Variants in MTTP observed in about 807,000 individuals in gnomAD.
MTTP encodes microsomal triglyceride transfer protein large subunit.
Under a neutral mutation model 90.6 loss-of-function variants are expected in MTTP, and 49 were observed. The observed-to-expected ratio is 0.54, with a 90% CI of 0.43 to 0.69. MTTP has a LOEUF of 0.69. Among genes scored for constraint, MTTP ranks in the 30% least tolerant of loss-of-function variants. The pLI, the probability that MTTP is intolerant of heterozygous loss-of-function variation, is 0.00. For synonymous variants in MTTP, 347 were observed against 384.2 expected, an observed-to-expected ratio of 0.90 and a Z score of 1.13; for missense variants, 945 against 1,067.5, an observed-to-expected ratio of 0.89 and a Z score of 1.60.
chr4:99,589,294 A>G (rs145778392), intron 3 of MTTP, among the ~76,000 whole-genome samples: 1 of 151,850 alleles, frequency 6.6e-6, no homozygotes, highest in Non-Finnish European at 1.5e-5. Context: ...TTTCAAGTAC[A>G]GTTACAGGTA....
At chr4:99,595,216 A>C (rs1221918079) in intron 7 of MTTP, among the ~76,000 whole-genome samples, 1 of 152,202 alleles carries the variant, frequency 6.6e-6, no homozygotes, top group Non-Finnish European at 1.5e-5. Context: ...CTGAACCTTG[A>C]AAGTTCTGTC....
In MTTP at chr4:99,600,473, AC is replaced by A. The variant is rs527239359; in HGVS notation, c.1068-91del. Reference sequence around the variant, plus strand: ...AAAAAAAAAATCACTTCTTGAGAAAACTCAAACCAATAGAAACTCTGTGAAT... The same window carrying A: ...AAAAAAAAAATCACTTCTTGAGAAAATCAAACCAATAGAAACTCTGTGAAT... On this transcript the variant is annotated intron_variant, in intron 8 of 17. Transcript: ENST00000265517. 483 of 1,328,100 alleles carry A rather than the reference AC, an allele frequency of 3.6e-4. 2 individuals are homozygous for A. In the African/African-American group the frequency reaches 6.0e-3, roughly 16 times the overall value. The allele number at this position is 1,328,100 out of a possible 1,614,324, so 82.3% of individuals were successfully genotyped here. A position where few individuals can be genotyped will look rare whatever the true frequency, so the allele number is the denominator to read the frequency against.
intron 8 of MTTP, among the ~76,000 whole-genome samples, chr4:99,599,933 C>A (rs1578246289): frequency 6.6e-6 from 1 of 152,148 alleles, no homozygotes; most frequent in Non-Finnish European, 1.5e-5. Context: ...GTTTTACCAT[C>A]CCGGGCTCAA....
exon 1 of MTTP, chr4:99,564,147 T>C: frequency 6.5e-7 from 1 of 1,535,604 alleles, no homozygotes; most frequent in South Asian, 1.2e-5. Context: ...GTTAGTGTTT[T>C]GGGAGTGGGA....
chr4:99,581,832 A>G, intron 1 of MTTP, 73 bp from the exon 2 acceptor site: 1 of 1,466,884 alleles, frequency 6.8e-7, no homozygotes, highest in Middle Eastern at 1.8e-4. Flanking sequence ...ACTGTGGTAG[A>G]GAGATGCACT....
Position 99,581,905 on chromosome 4 carries a change from G to A in MTTP, c.62G>A (p.Gly21Asp). ...FISSYSASVK[G>D]HTTGLSLNND... ...GATATGTGTCATTATCTTTATGCAG[G>A]TCACACAACTGGTCTCTCATTAAAT... The change falls in exon 2 of 18, where the codon GGT becomes GAT. Residue 21 changes from glycine to aspartate, a missense_variant and splice_region_variant. Transcript: ENST00000265517. 2 of 1,613,980 alleles carry A rather than the reference G, an allele frequency of 1.2e-6. No homozygotes were observed. Among genetic ancestry groups the A allele is most frequent in the Non-Finnish European group, 1.7e-6 (2 of 1,179,902 alleles).
upstream of MTTP, among the ~76,000 whole-genome samples, chr4:99,571,344 ATGTC>A (rs1724838180): frequency 1.3e-5 from 2 of 151,836 alleles, no homozygotes; most frequent in Non-Finnish European, 2.9e-5. Flanking sequence ...CTTTTTTTAA[ATGTC>A]TGATAAATTT....
rs1232275726 is a variant in MTTP at position 99,611,313 on chromosome 4, A to G, written c.1868-19A>G. The G allele has an allele frequency of 6.2e-7, 1 of 1,613,968 alleles. No individual in the cohort carries two copies. Among genetic ancestry groups the G allele is most frequent in the Admixed American group, 1.7e-5 (1 of 60,000 alleles). ...ATTGCTGGAACTGCTATTAAATTAC[A>G]GTTATTGTGTGTCATCAGGTAGTCC... On this transcript the variant is annotated intron_variant, in intron 13 of 17. Transcript: ENST00000265517.
rs1488986375 is a variant in MTTP at position 99,621,178 on chromosome 4, T to C, written c.2460T>C (p.Ser820=). The change falls in exon 17 of 18, where the codon TCT becomes TCC. Residue 820 remains serine, a synonymous_variant. Coordinates refer to ENST00000265517, the MANE Select transcript of MTTP (RefSeq NM_001386140.1). Reference sequence around the variant, plus strand: ...AGTTTATCTCCACAGTGCAGTTTTCTCAGTACCCATTCTTAGTTTGCATGC... The same window carrying C: ...AGTTTATCTCCACAGTGCAGTTTTCCCAGTACCCATTCTTAGTTTGCATGC... ...GLEFISTVQF[S]QYPFLVCMQM... is the part of the protein sequence containing the mutation. 3 of 1,614,118 alleles carry C rather than the reference T, an allele frequency of 1.9e-6. No homozygotes were observed. In the Admixed American group the frequency reaches 5.0e-5, roughly 27 times the overall value.
chr4:99,600,526 C>G (rs769132245), intron 8 of MTTP, 39 bp from the exon 9 acceptor site: 1 of 1,592,710 alleles, frequency 6.3e-7, no homozygotes, highest in Non-Finnish European at 8.6e-7. Flanking sequence ...TATTCCTTCC[C>G]CTAAACATTG....
Position 99,618,975 on chromosome 4 carries a change from A to C in MTTP, c.2219A>C (p.Glu740Ala). The C allele has an allele frequency of 6.2e-7, 1 of 1,611,636 alleles. No individual in the cohort carries two copies. Among genetic ancestry groups the C allele is most frequent in the Non-Finnish European group, 8.5e-7 (1 of 1,177,938 alleles). ...TATTATTATGCTTTTTTCTTCTAGG[A>C]ACTTCAGTTACAATCTGGACTAAAA... ...GLILLIDHSQ[E>A]LQLQSGLKAN... The change falls in exon 16 of 18, where the codon GAA becomes GCA. Residue 740 changes from glutamate to alanine, a missense_variant and splice_region_variant. Glu to Ala is a moderately radical substitution (Grantham distance 107, BLOSUM62 -1). Coordinates refer to ENST00000265517, the MANE Select transcript of MTTP (RefSeq NM_001386140.1).
chr4:99,597,277 G>T, intron 8 of MTTP, 53 bp downstream of exon 8: 2 of 1,601,336 alleles, frequency 1.2e-6, no homozygotes, highest in Non-Finnish European at 1.7e-6. Context: ...TTTCTGGATT[G>T]TTGGTTTTTT....
rs768114589 is a variant in MTTP, at chr4:99,622,775, A to T, written c.2612A>T (p.His871Leu). The T allele has an allele frequency of 2.5e-6, 4 of 1,614,132 alleles. No individual in the cohort carries two copies. Among genetic ancestry groups the T allele is most frequent in the Admixed American group, 3.3e-5 (2 of 60,030 alleles). Residue 871 changes from histidine (H) to leucine (L), a missense_variant, in exon 18 of 18, where the codon CAT becomes CTT. Physicochemically the swap from His to Leu is moderately conservative, Grantham distance 99 (BLOSUM62 -3). Transcript: ENST00000265517. Reference protein sequence around the residue: ...SVLAGCEFPLHQENSEMCKVV... With the variant: ...SVLAGCEFPLLQENSEMCKVV... ...TTAGCAGGATGTGAATTCCCGCTCC[A>T]TCAAGAGAACTCAGAGATGTGCAAA... is the stretch of plus-strand genomic sequence containing the variant.
chr4:99,568,961 CAAG>C (rs201054151), intron 1 of MTTP, among the ~76,000 whole-genome samples: 6,544 of 152,108 alleles, frequency 0.043, 154 homozygotes, highest in Non-Finnish European at 0.056. Flanking sequence ...ACTCCACCCT[CAAG>C]GAGGAGGAAC....
intron 17 of MTTP, 61 bp from the exon 18 acceptor site, chr4:99,622,616 G>A: frequency 6.4e-7 from 1 of 1,562,078 alleles, no homozygotes; most frequent in Non-Finnish European, 8.8e-7. Flanking sequence ...AACTTGGCTG[G>A]AGAGGTATAG....
intron 16 of MTTP, chr4:99,620,752 T>A (rs936844851): frequency 3.1e-6 from 1 of 325,210 alleles, no homozygotes; most frequent in Non-Finnish European, 5.7e-6. Context: ...GTTCCAAGAA[T>A]GTTTTCATTT....
chr4:99,601,959 A>G (rs1239991538), intron 10 of MTTP, among the ~76,000 whole-genome samples: 1 of 152,078 alleles, frequency 6.6e-6, no homozygotes, highest in African/African-American at 2.4e-5. Context: ...TTCAACACCA[A>G]TTGCTCACCA....
Position 99,612,916 on chromosome 4 carries a change from G to C in MTTP, c.1993G>C (p.Val665Leu), listed in dbSNP as rs749008965. Residue 665 changes from valine (V) to leucine (L), a missense_variant, in exon 15 of 18, where the codon GTT becomes CTT. Physicochemically the swap from Val to Leu is conservative, Grantham distance 32. Coordinates refer to ENST00000265517, the MANE Select transcript of MTTP (RefSeq NM_001386140.1). The part of the protein sequence containing the change: ...GKAGLHGSQV[V>L]IEAQGLEALI... ...ACATTATATTGATTTTATCCAGGTG[G>C]TTATTGAAGCCCAAGGACTGGAAGC... 1 of 1,613,706 alleles carries C rather than the reference G, an allele frequency of 6.2e-7. No individual in the cohort carries two copies. Among genetic ancestry groups the C allele is most frequent in the Admixed American group, 1.7e-5 (1 of 60,012 alleles).
At position 99,611,433 on chromosome 4, in the gene MTTP, G is replaced by T; in HGVS notation, c.1969G>T (p.Ala657Ser). Residue 657 changes from alanine to serine, a missense_variant, in exon 14 of 18, where the codon GCT becomes TCT. By Grantham distance (99) the Ala-to-Ser change is moderately conservative. Transcript: ENST00000265517. ...GAACATCTTTCAGTACATTGGGAAG[G>T]CTGGTCTTCACGGTAGCCAGGTAAC... ...NLNIFQYIGKAGLHGSQVVIE... is the reference protein window; with the variant it reads ...NLNIFQYIGKSGLHGSQVVIE... The T allele has an allele frequency of 6.2e-7, 1 of 1,614,084 alleles. No individual in the cohort carries two copies.
Sources: allele counts gnomAD v4.1 joint callset (sites outside exome capture counted in the v4.1 genomes callset), GRCh38; gene constraint gnomAD v4.1.1; transcripts MANE v1.5; gene names NCBI Gene and HGNC (gene_info 2026-07-23, HGNC 2026-07-21).